The following ZNF148 variants were observed in gnomAD, a reference collection of about 807,000 sequenced individuals.
ZNF148 encodes the protein zinc finger protein 148.
A neutral mutation model predicts 67.7 loss-of-function variants in ZNF148; 7 were observed. The ratio of observed to expected loss-of-function variants is 0.10; its 90% CI spans 0.06 to 0.19. The LOEUF (loss-of-function observed/expected upper bound fraction) is 0.19, where lower values mean the gene tolerates loss of function less well. Among genes scored for constraint, ZNF148 ranks in the 10% least tolerant of loss-of-function variants. The probability of loss-of-function intolerance (pLI) is 1.00; values close to 1 mark genes in which losing one functional copy is unlikely to be tolerated. For synonymous variants in ZNF148, 333 were observed against 330.7 expected, an observed-to-expected ratio of 1.01 and a Z score of -0.08; for missense variants, 583 against 947.1, an observed-to-expected ratio of 0.62 and a Z score of 5.05.
At chr3:125,353,885 G>A (rs1316125924) in intron 1 of ZNF148, among the ~76,000 whole-genome samples, 1 of 152,150 alleles carries the variant, frequency 6.6e-6, no homozygotes, top group African/African-American at 2.4e-5. Flanking sequence ...ACCAGCCTGG[G>A]CAACATAGCA....
At chr3:125,350,827 T>C (rs1304680410) in intron 1 of ZNF148, among the ~76,000 whole-genome samples, 8 of 152,244 alleles carry the variant, frequency 5.3e-5, no homozygotes, top group South Asian at 2.1e-4. Context: ...TCCATATATA[T>C]ATACACACAC....
rs1935882899 is a variant in ZNF148 at position 125,232,253 on chromosome 3, C to G, written c.*88G>C. The G allele has an allele frequency of 2.1e-6, 3 of 1,413,330 alleles. No homozygotes were observed. Among genetic ancestry groups the G allele is most frequent in the Non-Finnish European group, 2.8e-6 (3 of 1,064,752 alleles). 87.5% of individuals were successfully genotyped at this position (1,413,330 alleles called of 1,614,324 possible). ...TTGTTATTACGCATTGCTCTTAAAT[C>G]TGTACAGCACTCCATTTACACAGAG... On this transcript the variant is annotated 3_prime_UTR_variant, in exon 9 of 9. Coordinates refer to ENST00000360647, the MANE Select transcript of ZNF148 (RefSeq NM_021964.3). The surrounding 1 kb of genome is among the most constrained non-coding windows in gnomAD (Gnocchi z 4.2).
At chr3:125,269,529 G>A (rs534157521) in intron 7 of ZNF148, among the ~76,000 whole-genome samples, 6 of 151,430 alleles carry the variant, frequency 4.0e-5, no homozygotes, top group East Asian at 1.9e-4. Context: ...TTATTTCAGC[G>A]ACTGTGAAAA....
chr3:125,375,119 T>A lies in ZNF148; in HGVS notation c.-251A>T, dbSNP rs1579936928. On this transcript the variant is annotated 5_prime_UTR_variant, in exon 1 of 9. Transcript: ENST00000360647. ...CGCTTTACCGCGGGCGGGCGCCGAGTCGCGCGGTCACCGACTGCAGGCGGC... is the reference window on the plus strand; with the variant it reads ...CGCTTTACCGCGGGCGGGCGCCGAGACGCGCGGTCACCGACTGCAGGCGGC... The A allele has an allele frequency of 6.9e-6, 1 of 145,896 alleles. No homozygotes were observed. The highest frequency in any genetic ancestry group is 2.5e-5 in the African/African-American group (1 of 39,372). The allele number at this position is 145,896 out of a possible 1,614,324, so 9.0% of individuals were successfully genotyped here. A position where few individuals can be genotyped will look rare whatever the true frequency, so the allele number is the denominator to read the frequency against.
At chr3:125,334,288 C>T (rs931257894) in intron 1 of ZNF148, among the ~76,000 whole-genome samples, 11 of 152,156 alleles carry the variant, frequency 7.2e-5, no homozygotes, top group African/African-American at 2.7e-4. Context: ...TATATTTTTA[C>T]AACACATTAA....
At chr3:125,253,067 T>C (rs1936914522) in intron 7 of ZNF148, among the ~76,000 whole-genome samples, 1 of 152,230 alleles carries the variant, frequency 6.6e-6, no homozygotes, top group Admixed American at 6.5e-5. Flanking sequence ...TGGTATTTGA[T>C]ATTTTAACTG....
At chr3:125,254,340 T>A (rs568922775) in intron 7 of ZNF148, among the ~76,000 whole-genome samples, 1 of 152,324 alleles carries the variant, frequency 6.6e-6, no homozygotes, top group Admixed American at 6.5e-5. Flanking sequence ...TTGAAAATAA[T>A]GTGTACTTGG....
intron 5 of ZNF148, among the ~76,000 whole-genome samples, chr3:125,280,303 G>A (rs1471331394): frequency 6.6e-6 from 1 of 152,016 alleles, no homozygotes; most frequent in South Asian, 2.1e-4. Context: ...AGTATTGCAA[G>A]CCTGGTTTGG....
intron 1 of ZNF148, among the ~76,000 whole-genome samples, chr3:125,365,078 T>C (rs1942661179): frequency 1.3e-5 from 2 of 152,212 alleles, no homozygotes; most frequent in Non-Finnish European, 2.9e-5. Context: ...TGAACAAACC[T>C]GCCACAGTAC....
rs1321232022 is a variant in ZNF148 at position 125,229,242 on chromosome 3, A to G, written c.*3099T>C. On this transcript the variant is annotated 3_prime_UTR_variant, in exon 9 of 9. Coordinates refer to ENST00000360647, the MANE Select transcript of ZNF148 (RefSeq NM_021964.3). ...TTTTAAACAGCCCTTTAAAAACCCA[A>G]ATTAATCAAATGAAAGAAGCGGCAA... 6.6e-6 allele frequency: 1 copy of G among 151,456 alleles called. No individual in the cohort carries two copies. Among genetic ancestry groups the G allele is most frequent in the Non-Finnish European group, 1.5e-5 (1 of 67,934 alleles). The allele number at this position is 151,456 out of a possible 1,614,324, so 9.4% of individuals were successfully genotyped here.
intron 7 of ZNF148, among the ~76,000 whole-genome samples, chr3:125,242,423 C>T (rs563491587): frequency 6.6e-6 from 1 of 152,238 alleles, no homozygotes; most frequent in African/African-American, 2.4e-5. Context: ...GAGTTTGAGA[C>T]CAGCTTGGCC....
chr3:125,317,821 TAC>T (rs1940593245), intron 3 of ZNF148, among the ~76,000 whole-genome samples: 1 of 151,648 alleles, frequency 6.6e-6, no homozygotes, highest in Non-Finnish European at 1.5e-5. Context: ...CTTTTTCATG[TAC>T]CAACATCTTT....
In ZNF148 at chr3:125,226,221, AT is replaced by A. The variant is rs1430882823; in HGVS notation, c.*6119del. The A allele has an allele frequency of 2.0e-5, 3 of 152,614 alleles. No homozygotes were observed. Among genetic ancestry groups the A allele is most frequent in the African/African-American group, 7.2e-5 (3 of 41,446 alleles). 9.5% of individuals were successfully genotyped at this position (152,614 alleles called of 1,614,324 possible). On this transcript the variant is annotated 3_prime_UTR_variant, in exon 9 of 9. Coordinates refer to ENST00000360647, the MANE Select transcript of ZNF148 (RefSeq NM_021964.3). Reference sequence around the variant, plus strand: ...TAAAGCTATAATAAAGGCCCTGATAATTGTTACCCAATTTGTGTAACTGTTA... The same window carrying A: ...TAAAGCTATAATAAAGGCCCTGATAATGTTACCCAATTTGTGTAACTGTTA...
chr3:125,305,596 G>A (rs747680194), intron 4 of ZNF148, among the ~76,000 whole-genome samples: 5 of 151,954 alleles, frequency 3.3e-5, no homozygotes, highest in Non-Finnish European at 7.4e-5. Flanking sequence ...AGGATCGCTC[G>A]AACCCAGGAG....
At chr3:125,319,717 A>C (rs1313517573) in intron 3 of ZNF148, among the ~76,000 whole-genome samples, 2 of 152,190 alleles carry the variant, frequency 1.3e-5, no homozygotes, top group Admixed American at 6.5e-5. Flanking sequence ...ATTTACAATA[A>C]CCCTCAAGAC....
At chr3:125,270,901 T>C (rs1450214991) in intron 7 of ZNF148, among the ~76,000 whole-genome samples, 1 of 152,098 alleles carries the variant, frequency 6.6e-6, no homozygotes, top group Admixed American at 6.6e-5. Flanking sequence ...TATTTAAGTT[T>C]TGCCTACTTC....
chr3:125,348,961 A>C (rs910560218), intron 1 of ZNF148, among the ~76,000 whole-genome samples: 3 of 152,244 alleles, frequency 2.0e-5, no homozygotes, highest in Non-Finnish European at 4.4e-5. Flanking sequence ...TCTTCAAGAA[A>C]GGTGCCAAGA....
chr3:125,288,072 T>C, intron 5 of ZNF148, 31 bp downstream of exon 5: 2 of 1,613,110 alleles, frequency 1.2e-6, no homozygotes, highest in Non-Finnish European at 8.5e-7. Context: ...AATTAAGAGG[T>C]TGTGATTACC....
chr3:125,332,545 T>C (rs1170222673), intron 1 of ZNF148, among the ~76,000 whole-genome samples: 1 of 152,192 alleles, frequency 6.6e-6, no homozygotes, highest in African/African-American at 2.4e-5. Flanking sequence ...TGCTACCTAA[T>C]TTAAGAGTAT....
Sources: gnomAD v4.1 joint callset for allele counts (sites outside exome capture counted in the v4.1 genomes callset) on GRCh38, gnomAD v4.1.1 for gene constraint, Gnocchi (gnomAD v3.1) non-coding constraint, MANE v1.5 for transcripts, NCBI Gene and HGNC (gene_info 2026-07-23, HGNC 2026-07-21) for gene names.